The following STRBP variants were observed in gnomAD, a reference collection of about 807,000 sequenced individuals.
The protein encoded by STRBP is spermatid perinuclear RNA-binding protein.
A neutral mutation model predicts 80.1 loss-of-function variants in STRBP; 13 were observed. That is an observed-to-expected ratio of 0.16 (90% CI 0.11 to 0.26). STRBP has a LOEUF of 0.26. Among genes scored for constraint, STRBP ranks in the 10% least tolerant of loss-of-function variants. The pLI, the probability that STRBP is intolerant of heterozygous loss-of-function variation, is 1.00. For missense variants in STRBP, 485 were observed against 815.2 expected, an observed-to-expected ratio of 0.59 and a Z score of 4.93; for synonymous variants, 284 against 291.2, an observed-to-expected ratio of 0.98 and a Z score of 0.25.
At chr9:123,222,520 A>G (rs2040099860) in intron 2 of STRBP, among the ~76,000 whole-genome samples, 1 of 152,226 alleles carries the variant, frequency 6.6e-6, no homozygotes, top group African/African-American at 2.4e-5. Context: ...CCATGAGTTC[A>G]ACAAATTACT....
chr9:123,184,224 C>T lies in STRBP; in HGVS notation c.-90G>A. 1 of 1,336,766 alleles carries T rather than the reference C, an allele frequency of 7.5e-7. No homozygotes were observed. The highest frequency in any genetic ancestry group is 1.0e-6 in the Non-Finnish European group (1 of 954,378). The allele number at this position is 1,336,766 out of a possible 1,614,324, so 82.8% of individuals were successfully genotyped here. A position where few individuals can be genotyped will look rare whatever the true frequency, so the allele number is the denominator to read the frequency against. ...GACACTGTTTTGTGTAACAATACCT[C>T]CTCATAAGCCTGAGTCCCCTGACAG... On this transcript the variant is annotated 5_prime_UTR_variant, in exon 3 of 19. Transcript: ENST00000348403.
In STRBP at chr9:123,124,268, T is replaced by C; in HGVS notation, c.*1329A>G. 2.0e-6 allele frequency: 2 copies of C among 985,426 alleles called. No homozygotes were observed. Among genetic ancestry groups the C allele is most frequent in the South Asian group, 9.4e-5 (2 of 21,280 alleles). The allele number at this position is 985,426 out of a possible 1,614,324, so 61.0% of individuals were successfully genotyped here. A position where few individuals can be genotyped will look rare whatever the true frequency, so the allele number is the denominator to read the frequency against. On this transcript the variant is annotated 3_prime_UTR_variant, in exon 19 of 19. Coordinates refer to ENST00000348403, the MANE Select transcript of STRBP (RefSeq NM_018387.5). ...CAGACATTTTTAAGACATGGTGCCTTATAAATATTGACAGGGGACCACACT... is the reference window on the plus strand; with the variant it reads ...CAGACATTTTTAAGACATGGTGCCTCATAAATATTGACAGGGGACCACACT...
chr9:123,157,479 G>T (rs2037339250), intron 11 of STRBP, among the ~76,000 whole-genome samples: 1 of 152,118 alleles, frequency 6.6e-6, no homozygotes, highest in Non-Finnish European at 1.5e-5. Context: ...GAACAGAAGA[G>T]AAGAAAGTCA....
chr9:123,173,959 C>T, intron 4 of STRBP, 117 bp from the exon 5 acceptor site: 2 of 1,119,092 alleles, frequency 1.8e-6, no homozygotes, highest in Non-Finnish European at 1.2e-6. Flanking sequence ...TAAATCCAGA[C>T]ATCCAAGTAT....
intron 2 of STRBP, among the ~76,000 whole-genome samples, chr9:123,191,959 G>T (rs2038941484): frequency 6.6e-6 from 1 of 152,168 alleles, no homozygotes; most frequent in Non-Finnish European, 1.5e-5. Flanking sequence ...ACTTAAGGAG[G>T]TTTAGTGATC....
At chr9:123,228,164 G>C (rs1246178719) in intron 2 of STRBP, among the ~76,000 whole-genome samples, 1 of 152,164 alleles carries the variant, frequency 6.6e-6, no homozygotes, top group Non-Finnish European at 1.5e-5. Flanking sequence ...ATCAGAGATG[G>C]GGAGACCTAT....
chr9:123,246,527 G>A (rs2040803454), intron 1 of STRBP, among the ~76,000 whole-genome samples: 1 of 152,156 alleles, frequency 6.6e-6, no homozygotes, highest in South Asian at 2.1e-4. Context: ...GGTTTAGGGG[G>A]ATGAGATTCC....
intron 2 of STRBP, among the ~76,000 whole-genome samples, chr9:123,187,805 T>A (rs572062388): frequency 2.7e-5 from 4 of 146,128 alleles, no homozygotes; most frequent in Admixed American, 6.8e-5. Context: ...CTCCTATTCT[T>A]GACATATTAC....
intron 1 of STRBP, among the ~76,000 whole-genome samples, chr9:123,256,027 T>TC (rs2041021465): frequency 7.3e-6 from 1 of 137,366 alleles, no homozygotes; most frequent in East Asian, 2.0e-4. Context: ...TCTTTTTTTT[T>TC]TTTTTTTTTT....
intron 6 of STRBP, among the ~76,000 whole-genome samples, chr9:123,166,887 T>C (rs1226720500): frequency 2.6e-5 from 4 of 152,186 alleles, no homozygotes; most frequent in Non-Finnish European, 5.9e-5. Flanking sequence ...ATGGTTATTC[T>C]ACAGGGCGTT....
chr9:123,154,954 C>T (rs148783721), intron 11 of STRBP, among the ~76,000 whole-genome samples: 24 of 152,244 alleles, frequency 1.6e-4, no homozygotes, highest in African/African-American at 4.1e-4. Context: ...CAGGTTTTTA[C>T]GCTGATGAGA....
intron 1 of STRBP, among the ~76,000 whole-genome samples, chr9:123,247,056 T>C (rs554589737): frequency 6.6e-6 from 1 of 151,926 alleles, no homozygotes; most frequent in African/African-American, 2.4e-5. Context: ...AACAATAATT[T>C]AAAAAAAAGT....
At chr9:123,187,265 AT>A (rs1264161713) in intron 2 of STRBP, among the ~76,000 whole-genome samples, 6 of 76,616 alleles carry the variant, frequency 7.8e-5, no homozygotes, top group Non-Finnish European at 1.8e-4. Flanking sequence ...AACTTCAGCT[AT>A]TTAAAAAAAA....
At chr9:123,254,599 T>C (rs1018207912) in intron 1 of STRBP, among the ~76,000 whole-genome samples, 2 of 152,118 alleles carry the variant, frequency 1.3e-5, no homozygotes, top group Non-Finnish European at 2.9e-5. Flanking sequence ...CTCGCAGGTT[T>C]CTCACAAGGG....
chr9:123,197,667 C>CT (rs71388358), intron 2 of STRBP, among the ~76,000 whole-genome samples: 67,767 of 87,360 alleles, frequency 0.78, 28,134 homozygotes, highest in South Asian at 0.88. Flanking sequence ...AAACATATTT[C>CT]TTTTTTTTTT....
chr9:123,256,967 C>A (rs1311803398), intron 1 of STRBP, among the ~76,000 whole-genome samples: 1 of 150,744 alleles, frequency 6.6e-6, no homozygotes, highest in Non-Finnish European at 1.5e-5. Context: ...GAGAACCAGT[C>A]GTATTTATTT....
intron 1 of STRBP, among the ~76,000 whole-genome samples, chr9:123,264,607 G>C (rs2041229872): frequency 6.6e-6 from 1 of 152,196 alleles, no homozygotes; most frequent in Non-Finnish European, 1.5e-5. Context: ...ATGGGAGATG[G>C]ATAGAGTCAG....
chr9:123,168,823 A>G (rs1018340372), intron 6 of STRBP, among the ~76,000 whole-genome samples: 1 of 152,206 alleles, frequency 6.6e-6, no homozygotes, highest in Middle Eastern at 3.2e-3. Context: ...TTGACAGGAT[A>G]AAAACATCAG....
intron 13 of STRBP, among the ~76,000 whole-genome samples, chr9:123,140,176 G>A (rs1564227689): frequency 6.6e-6 from 1 of 152,294 alleles, no homozygotes; most frequent in East Asian, 1.9e-4. Flanking sequence ...AATCCATTAG[G>A]AGAAATTGGC....
Sources: gnomAD v4.1 joint callset for allele counts (sites outside exome capture counted in the v4.1 genomes callset) on GRCh38, gnomAD v4.1.1 for gene constraint, MANE v1.5 for transcripts, NCBI Gene and HGNC (gene_info 2026-07-23, HGNC 2026-07-21) for gene names.